CEP78: variants seen among roughly 807,000 people sequenced by gnomAD.
CEP78 encodes the protein centrosomal protein 78.
Under a neutral mutation model 81.2 loss-of-function variants are expected in CEP78, and 76 were observed. That is an observed-to-expected ratio of 0.94 (90% CI 0.78 to 1.13). The LOEUF is 1.13. Among genes scored for constraint, CEP78 ranks in the 50% most tolerant of loss-of-function variants. The probability of loss-of-function intolerance (pLI) is 0.00; values close to 1 mark genes in which losing one functional copy is unlikely to be tolerated. For missense variants in CEP78, 918 were observed against 846.8 expected, an observed-to-expected ratio of 1.08 and a Z score of -1.04; for synonymous variants, 293 against 301.4, an observed-to-expected ratio of 0.97 and a Z score of 0.29.
chr9:78,254,831 T>C lies in CEP78; in HGVS notation c.1252-5T>C, dbSNP rs1400517714. ...TATTATACAATCTTGTCCTCTTTTTTTAAGCAACCAGGTTTTCCTGTGACT... is the reference window on the plus strand; with the variant it reads ...TATTATACAATCTTGTCCTCTTTTTCTAAGCAACCAGGTTTTCCTGTGACT... On this transcript the variant is annotated splice_polypyrimidine_tract_variant and splice_region_variant and intron_variant, in intron 10 of 16. Transcript: ENST00000643273. 3 of 1,604,106 alleles carry C rather than the reference T, an allele frequency of 1.9e-6. No homozygotes were observed. Among genetic ancestry groups the C allele is most frequent in the East Asian group, 4.5e-5 (2 of 44,608 alleles).
In CEP78 at chr9:78,273,673, G is replaced by A. The variant is rs1827745168; in HGVS notation, c.*2822G>A. ...GAGGCAGGAGAATCGCTTGAACCTG[G>A]GAGGCGGAGTTTGCAGTGAGCTGAG... On this transcript the variant is annotated 3_prime_UTR_variant, in exon 17 of 17. Coordinates refer to ENST00000643273, the MANE Select transcript of CEP78 (RefSeq NM_001330691.3). 1 of 152,336 alleles carries A rather than the reference G, an allele frequency of 6.6e-6. No individual in the cohort carries two copies. Among genetic ancestry groups the A allele is most frequent in the Non-Finnish European group, 1.5e-5 (1 of 68,156 alleles). 9.4% of individuals were successfully genotyped at this position (152,336 alleles called of 1,614,324 possible).
chr9:78,266,573 G>T lies in CEP78; in HGVS notation c.1977G>T (p.Glu659Asp). The T allele has an allele frequency of 6.2e-7, 1 of 1,613,870 alleles. No homozygotes were observed. Among genetic ancestry groups the T allele is most frequent in the Admixed American group, 1.7e-5 (1 of 60,002 alleles). Residue 659 changes from glutamate to aspartate, a missense_variant, in exon 16 of 17, where the codon GAG (glutamate) becomes GAT (aspartate). Glu to Asp is a conservative substitution (Grantham distance 45, BLOSUM62 2). Transcript: ENST00000643273. ...LGVPATEQRQ[E>D]SFEGFIARMC... is the part of the protein sequence containing the mutation. ...TCCCAGCTACTGAGCAGCGGCAGGAGTCTTTTGAAGGATTCATTGCTAGAA... is the reference window on the plus strand; with the variant it reads ...TCCCAGCTACTGAGCAGCGGCAGGATTCTTTTGAAGGATTCATTGCTAGAA...
rs1391674031 is a variant in CEP78, at chr9:78,264,230, G to A, written c.1539G>A (p.Met513Ile). Residue 513 changes from methionine (M) to isoleucine (I), a missense_variant, in exon 13 of 17, where the codon ATG becomes ATA. Transcript: ENST00000643273. ...EALHAQSLTN[M>I]ILDDEGVLGS... is the part of the protein sequence containing the mutation. ...TTCATGCACAGTCATTGACAAATAT[G>A]ATCCTGGATGATGAAGGTGTTTTGG... is the stretch of plus-strand genomic sequence containing the variant. 7.5e-6 allele frequency: 12 copies of A among 1,610,174 alleles called. No homozygotes were observed. The highest frequency in any genetic ancestry group is 5.4e-5 in the African/African-American group (4 of 74,554).
At chr9:78,268,476 T>C (rs781699240) in intron 16 of CEP78, among the ~76,000 whole-genome samples, 4 of 152,184 alleles carry the variant, frequency 2.6e-5, no homozygotes, top group Admixed American at 6.5e-5. Context: ...ATGGAAGTTA[T>C]ATGCTCAGGC....
intron 7 of CEP78, 45 bp downstream of exon 7, chr9:78,248,400 C>T: frequency 1.6e-6 from 2 of 1,265,294 alleles, no homozygotes; most frequent in South Asian, 1.2e-5. Context: ...TATTTAATTG[C>T]TTTTCTTCTG....
At chr9:78,241,027 TGTG>T (rs1826202878) in intron 3 of CEP78, among the ~76,000 whole-genome samples, 1 of 152,062 alleles carries the variant, frequency 6.6e-6, no homozygotes, top group African/African-American at 2.4e-5. Context: ...TTTAATGCAC[TGTG>T]GTATGTTCCA....
rs2118528150 is a variant in CEP78 at position 78,271,147 on chromosome 9, C to G, written c.*296C>G. ...ACTGAAGTTAAGCTGCCCACATGAT[C>G]TCTCTAACTATGATGACCTGCCACT... On this transcript the variant is annotated 3_prime_UTR_variant, in exon 17 of 17. Transcript: ENST00000643273. 1 of 295,474 alleles carries G rather than the reference C, an allele frequency of 3.4e-6. No individual in the cohort carries two copies. The allele number at this position is 295,474 out of a possible 1,614,324, so 18.3% of individuals were successfully genotyped here. A position where few individuals can be genotyped will look rare whatever the true frequency, so the allele number is the denominator to read the frequency against.
At chr9:78,253,110 A>T (rs908165430) in intron 9 of CEP78, 122 bp from the exon 10 acceptor site, 3 of 609,568 alleles carry the variant, frequency 4.9e-6, no homozygotes, top group Non-Finnish European at 6.0e-6. Context: ...TTTGGAAGTG[A>T]TTTATCTCTA....
Position 78,236,303 on chromosome 9 carries a change from G to T in CEP78, c.-48G>T, listed in dbSNP as rs1368915494. On this transcript the variant is annotated 5_prime_UTR_variant, in exon 1 of 17. Transcript: ENST00000643273. ...TGCGACTCAGCGTTCTTGGGTGGGC[G>T]CGGGCGGCGTCTCCGCGGCGGGCAT... The T allele has an allele frequency of 6.6e-7, 1 of 1,506,804 alleles. No homozygotes were observed. Among genetic ancestry groups the T allele is most frequent in the Non-Finnish European group, 8.9e-7 (1 of 1,123,854 alleles). 93.3% of individuals were successfully genotyped at this position (1,506,804 alleles called of 1,614,324 possible).
At chr9:78,270,193 A>C (rs1827659923) in intron 16 of CEP78, among the ~76,000 whole-genome samples, 1 of 152,208 alleles carries the variant, frequency 6.6e-6, no homozygotes, top group African/African-American at 2.4e-5. Flanking sequence ...TTTATACCTG[A>C]TAACCCCAGT....
chr9:78,257,047 C>CTG (rs1827066786), intron 11 of CEP78, among the ~76,000 whole-genome samples: 1 of 149,930 alleles, frequency 6.7e-6, no homozygotes, highest in Non-Finnish European at 1.5e-5. Flanking sequence ...TCTAGGAGGT[C>CTG]TAACATGTTA....
At chr9:78,256,456 A>G (rs563731272) in intron 11 of CEP78, among the ~76,000 whole-genome samples, 1 of 151,864 alleles carries the variant, frequency 6.6e-6, no homozygotes, top group South Asian at 2.1e-4. Flanking sequence ...ATCCTGCCAT[A>G]CTGGCTACCC....
intron 16 of CEP78, chr9:78,267,038 T>A: frequency 8.4e-7 from 1 of 1,189,278 alleles, no homozygotes; most frequent in Non-Finnish European, 1.1e-6. Context: ...TTTTTACCTT[T>A]AAATTTTAAT....
chr9:78,253,195 C>T (rs944589577), intron 9 of CEP78, 37 bp from the exon 10 acceptor site: 2 of 900,670 alleles, frequency 2.2e-6, no homozygotes, highest in Non-Finnish European at 3.6e-6. Flanking sequence ...GGTGTATTTA[C>T]ATCAAAATAT....
intron 5 of CEP78, among the ~76,000 whole-genome samples, chr9:78,244,633 G>A (rs1826397248): frequency 2.0e-5 from 3 of 152,224 alleles, no homozygotes; most frequent in South Asian, 4.1e-4. Context: ...TGATGCAAAT[G>A]GGATTGGTCT....
chr9:78,270,515 A>T (rs1827668295), intron 16 of CEP78, among the ~76,000 whole-genome samples: 1 of 152,204 alleles, frequency 6.6e-6, no homozygotes, highest in African/African-American at 2.4e-5. Flanking sequence ...CAGCACATAT[A>T]CAATCTGTAT....
At chr9:78,261,594 G>A (rs1469900505) in intron 11 of CEP78, among the ~76,000 whole-genome samples, 2 of 152,128 alleles carry the variant, frequency 1.3e-5, no homozygotes, top group African/African-American at 2.4e-5. Flanking sequence ...GTAACATTAT[G>A]TTCTCACTTC....
intron 14 of CEP78, 46 bp from the exon 15 acceptor site, chr9:78,265,813 C>T (rs749269689): frequency 1.0e-6 from 1 of 980,382 alleles, no homozygotes; most frequent in South Asian, 1.4e-5. Context: ...AAATGATTTT[C>T]AATTTTCAAT....
In CEP78 at chr9:78,254,941, A is replaced by G; in HGVS notation, c.1357A>G (p.Ser453Gly). ...ESVHEVPEKT[S>G]IEQEALQEKL... Reference sequence around the variant, plus strand: ...TGTTCATGAAGTGCCTGAGAAAACTAGTATAGAACAAGAAGCATTACAGGT... The same window carrying G: ...TGTTCATGAAGTGCCTGAGAAAACTGGTATAGAACAAGAAGCATTACAGGT... The change falls in exon 11 of 17, where the codon AGT becomes GGT. Residue 453 changes from serine to glycine, a missense_variant. Transcript: ENST00000643273. 1 of 1,611,060 alleles carries G rather than the reference A, an allele frequency of 6.2e-7. No homozygotes were observed. The highest frequency in any genetic ancestry group is 8.5e-7 in the Non-Finnish European group (1 of 1,177,970).
Sources: gnomAD v4.1 joint callset for allele counts (sites outside exome capture counted in the v4.1 genomes callset) on GRCh38, gnomAD v4.1.1 for gene constraint, MANE v1.5 for transcripts, NCBI Gene and HGNC (gene_info 2026-07-23, HGNC 2026-07-21) for gene names.